GRIK1: variants seen among roughly 807,000 people sequenced by gnomAD.
GRIK1 encodes the protein glutamate receptor ionotropic, kainate 1.
In GRIK1, 69 loss-of-function variants were observed where a neutral mutation model predicts 105.7. That is an observed-to-expected ratio of 0.65 (90% CI 0.54 to 0.80). GRIK1 has a LOEUF of 0.80. GRIK1 is among the 30% of genes least tolerant of loss of function. The pLI is 0.00. For synonymous variants in GRIK1, 438 were observed against 431.3 expected (o/e 1.02, Z -0.19); for missense variants, 1,109 against 1,167.3 (o/e 0.95, Z 0.73).
intron 14 of GRIK1, among the ~76,000 whole-genome samples, chr21:29,573,300 C>T (rs924031158): frequency 6.6e-6 from 1 of 152,198 alleles, no homozygotes; most frequent in Non-Finnish European, 1.5e-5. Context: ...GCTCAGGGAG[C>T]AGCAGTTGTG....
chr21:29,648,767 G>A (rs2062667763), intron 6 of GRIK1, among the ~76,000 whole-genome samples: 2 of 152,120 alleles, frequency 1.3e-5, no homozygotes, highest in Admixed American at 1.3e-4. Flanking sequence ...CAGGGAGGGG[G>A]CTACTGTACT....
intron 1 of GRIK1, among the ~76,000 whole-genome samples, chr21:29,913,182 G>T (rs891698075): frequency 1.3e-5 from 2 of 152,030 alleles, no homozygotes; most frequent in African/African-American, 4.8e-5. Flanking sequence ...AGAAAGATGG[G>T]TTCGAGCCCC....
intron 1 of GRIK1, among the ~76,000 whole-genome samples, chr21:29,727,680 G>A (rs934590977): frequency 6.6e-6 from 1 of 152,184 alleles, no homozygotes; most frequent in Non-Finnish European, 1.5e-5. Flanking sequence ...TGTCCATGTA[G>A]GGAAGTAGAA....
intron 7 of GRIK1, among the ~76,000 whole-genome samples, chr21:29,619,256 G>A (rs1442278467): frequency 6.6e-6 from 1 of 151,960 alleles, no homozygotes; most frequent in Non-Finnish European, 1.5e-5. Context: ...GGCCAACATA[G>A]TGAAACCTCG....
chr21:29,876,540 A>T (rs2069198412), intron 1 of GRIK1, among the ~76,000 whole-genome samples: 1 of 152,082 alleles, frequency 6.6e-6, no homozygotes, highest in Admixed American at 6.5e-5. Context: ...AGCATGCATG[A>T]TTTTTATGCT....
At chr21:29,680,756 A>G (rs1345099643) in intron 3 of GRIK1, among the ~76,000 whole-genome samples, 1 of 152,254 alleles carries the variant, frequency 6.6e-6, no homozygotes, top group Admixed American at 6.5e-5. Context: ...TGCCTAACTT[A>G]TAAATTAAAC....
At chr21:29,710,447 A>G (rs912704871) in intron 1 of GRIK1, among the ~76,000 whole-genome samples, 1 of 152,126 alleles carries the variant, frequency 6.6e-6, no homozygotes, top group Non-Finnish European at 1.5e-5. Context: ...ATTCAGCTTA[A>G]AAAAACTAAT....
At chr21:29,884,915 CAG>C (rs1441668353) in intron 1 of GRIK1, among the ~76,000 whole-genome samples, 1 of 152,132 alleles carries the variant, frequency 6.6e-6, no homozygotes, top group East Asian at 1.9e-4. Flanking sequence ...CCAAATCACA[CAG>C]ATACTGGTTC....
At chr21:29,742,637 T>A (rs534024825) in intron 1 of GRIK1, among the ~76,000 whole-genome samples, 4 of 152,360 alleles carry the variant, frequency 2.6e-5, no homozygotes, top group Admixed American at 2.0e-4. Flanking sequence ...TGTTTTAAAA[T>A]CATGTATACA....
chr21:29,560,396 C>CTTTCTTTCTTTCTTTCTTT lies in GRIK1; in HGVS notation c.2356+1227_2356+1228insAAAGAAAGAAAGAAAGAAA, dbSNP rs1568814142. Among the ~76,000 whole-genome samples, 76 of 60,320 alleles carry CTTTCTTTCTTTCTTTCTTT rather than the reference C, an allele frequency of 1.3e-3. 10 individuals are homozygous for CTTTCTTTCTTTCTTTCTTT. The highest frequency in any genetic ancestry group is 6.6e-3 in the East Asian group (12 of 1,830). 39.6% of individuals were successfully genotyped at this position (60,320 alleles called of 152,430 possible). On this transcript the variant is annotated intron_variant, in intron 15 of 17. Coordinates refer to ENST00000327783, the MANE Select transcript of GRIK1 (RefSeq NM_001330994.2). ...TCCTTCCTTCCTTCCTTCCTTCCTTCCTTCCTTTCTTTCTTTCTTTCTTTC... is the reference window on the plus strand; with the variant it reads ...TCCTTCCTTCCTTCCTTCCTTCCTTCTTTCTTTCTTTCTTTCTTTCTTCCTTTCTTTCTTTCTTTCTTTC...
intron 7 of GRIK1, among the ~76,000 whole-genome samples, chr21:29,620,795 A>G (rs963248971): frequency 1.8e-5 from 2 of 109,078 alleles, no homozygotes; most frequent in Admixed American, 1.9e-4. Context: ...ATATATATCT[A>G]TATATATATA....
chr21:29,714,681 A>C (rs1473374152), intron 1 of GRIK1, among the ~76,000 whole-genome samples: 1 of 152,234 alleles, frequency 6.6e-6, no homozygotes, highest in Admixed American at 6.5e-5. Context: ...AGAGCACCTC[A>C]GGCAATGTCA....
intron 1 of GRIK1, among the ~76,000 whole-genome samples, chr21:29,783,970 G>T (rs139688059): frequency 4.9e-4 from 74 of 152,114 alleles, no homozygotes; most frequent in Non-Finnish European, 9.1e-4. Flanking sequence ...TCGCTCTGTC[G>T]CCCAGGCTGG....
chr21:29,797,820 G>T (rs958414089), intron 1 of GRIK1, among the ~76,000 whole-genome samples: 2 of 152,024 alleles, frequency 1.3e-5, no homozygotes, highest in African/African-American at 4.8e-5. Context: ...AAAGTACAAC[G>T]TTTTCTCCCA....
intron 1 of GRIK1, among the ~76,000 whole-genome samples, chr21:29,714,900 G>T (rs1375708255): frequency 1.3e-5 from 2 of 152,176 alleles, no homozygotes. Flanking sequence ...ATGATTGAAA[G>T]CATTTTGTAA....
chr21:29,930,835 G>A (rs759717781), intron 1 of GRIK1, among the ~76,000 whole-genome samples: 13 of 152,124 alleles, frequency 8.5e-5, no homozygotes, highest in Non-Finnish European at 7.4e-5. Context: ...TGTCTTTAAG[G>A]ACACTCTTAG....
chr21:29,836,795 A>G (rs762683256), intron 1 of GRIK1, among the ~76,000 whole-genome samples: 7 of 152,218 alleles, frequency 4.6e-5, no homozygotes, highest in South Asian at 4.1e-4. Context: ...ATGTAATTTC[A>G]TTGATAGTGT....
At chr21:29,560,294 T>TCTTTCTTTCTTTC in intron 15 of GRIK1, among the ~76,000 whole-genome samples, 1 of 90,106 alleles carries the variant, frequency 1.1e-5, no homozygotes, top group African/African-American at 5.0e-5. Flanking sequence ...TTTCTTTCTT[T>TCTTTCTTTCTTTC]CTTTCTTTCT....
rs564099162 is a variant in GRIK1 at position 29,783,088 on chromosome 21, C to T, written c.119-89025G>A. ...CATTTCTTCCCATTCTTGAACAATG[C>T]TTAATTTATCCATCTCCAATAATCT... On this transcript the variant is annotated intron_variant, in intron 1 of 17. Transcript: ENST00000327783. 2.0e-5 allele frequency among the ~76,000 whole-genome samples: 3 copies of T among 152,256 alleles called. No homozygotes were observed. In the East Asian group the frequency reaches 5.8e-4, roughly 29 times the overall value.
Sources: gnomAD v4.1 joint callset for allele counts (sites outside exome capture counted in the v4.1 genomes callset) on GRCh38, gnomAD v4.1.1 for gene constraint, MANE v1.5 for transcripts, NCBI Gene and HGNC (gene_info 2026-07-23, HGNC 2026-07-21) for gene names.